RIMS1: variants seen among roughly 807,000 people sequenced by gnomAD.
The protein encoded by RIMS1 is regulating synaptic membrane exocytosis protein 1.
In RIMS1, 83 loss-of-function variants were observed where a neutral mutation model predicts 214.1. The ratio of observed to expected loss-of-function variants is 0.39; its 90% confidence interval spans 0.32 to 0.47. RIMS1 has a LOEUF of 0.47. Among genes scored for constraint, RIMS1 ranks in the 20% least tolerant of loss-of-function variants. RIMS1 has a pLI of 0.99. For synonymous variants in RIMS1, 793 were observed against 786.8 expected (o/e 1.01, Z -0.13); for missense variants, 2,050 against 2,161.8 (o/e 0.95, Z 1.03).
chr6:72,121,075 G>C (rs1363966376), intron 4 of RIMS1, among the ~76,000 whole-genome samples: 1 of 151,904 alleles, frequency 6.6e-6, no homozygotes, highest in African/African-American at 2.4e-5. Context: ...ATAGTTTGAA[G>C]TCAGGTGGTG....
chr6:72,075,115 T>G (rs1831472686), intron 2 of RIMS1, among the ~76,000 whole-genome samples: 1 of 152,058 alleles, frequency 6.6e-6, no homozygotes, highest in Non-Finnish European at 1.5e-5. Context: ...AGGGTCTTGC[T>G]CTGTCACCCA....
chr6:72,295,331 T>G (rs1300757949), intron 26 of RIMS1, among the ~76,000 whole-genome samples: 1 of 151,742 alleles, frequency 6.6e-6, no homozygotes, highest in Non-Finnish European at 1.5e-5. Flanking sequence ...TTGGGGTATT[T>G]TAATCTAATT....
rs375695167 is a variant in RIMS1, at chr6:72,390,094, T to A, written c.4367-504T>A. Among the ~76,000 whole-genome samples the A allele has an allele frequency of 1.1e-4, 16 of 152,330 alleles. No individual in the cohort carries two copies. The East Asian group carries it at 2.9e-3, about 28-fold the overall frequency. Reference sequence around the variant, plus strand: ...GTTAAAGTGCTGCAAAAATCATCAATTAAAATACTAGTTTCTCTTCATGAG... The same window carrying A: ...GTTAAAGTGCTGCAAAAATCATCAAATAAAATACTAGTTTCTCTTCATGAG... On this transcript the variant is annotated intron_variant, in intron 29 of 33. Transcript: ENST00000521978.
intron 1 of RIMS1, among the ~76,000 whole-genome samples, chr6:71,948,390 T>C (rs1480463595): frequency 6.6e-6 from 1 of 152,224 alleles, no homozygotes; most frequent in Admixed American, 6.5e-5. Context: ...TATTTCTTAA[T>C]AGAAGCACTT....
At chr6:72,354,632 A>G (rs1275198235) in intron 29 of RIMS1, among the ~76,000 whole-genome samples, 1 of 152,190 alleles carries the variant, frequency 6.6e-6, no homozygotes, top group Non-Finnish European at 1.5e-5. Flanking sequence ...TTGATTAACT[A>G]TAGGAGACTT....
intron 2 of RIMS1, among the ~76,000 whole-genome samples, chr6:72,004,981 T>G (rs1806878639): frequency 6.6e-6 from 1 of 152,002 alleles, no homozygotes; most frequent in Admixed American, 6.5e-5. Context: ...CTAGGTTTTC[T>G]TCTAGGGTTT....
chr6:72,241,820 G>A (rs982785015), intron 9 of RIMS1, among the ~76,000 whole-genome samples: 19 of 152,126 alleles, frequency 1.2e-4, no homozygotes, highest in African/African-American at 3.6e-4. Flanking sequence ...AGACACTGAA[G>A]CATGACTTGT....
chr6:72,122,207 C>CTTTT (rs34948011), intron 4 of RIMS1, among the ~76,000 whole-genome samples: 2 of 136,332 alleles, frequency 1.5e-5, no homozygotes, highest in African/African-American at 2.8e-5. Flanking sequence ...TTCCTTTTTT[C>CTTTT]TTTTTTTTTT....
chr6:72,360,186 T>G (rs2097773068), intron 29 of RIMS1, among the ~76,000 whole-genome samples: 1 of 152,194 alleles, frequency 6.6e-6, no homozygotes, highest in African/African-American at 2.4e-5. Context: ...TTTCATCCCT[T>G]CCTCACCATA....
intron 29 of RIMS1, among the ~76,000 whole-genome samples, chr6:72,337,300 T>C (rs1411846147): frequency 1.3e-5 from 2 of 151,844 alleles, no homozygotes; most frequent in Non-Finnish European, 1.5e-5. Context: ...TTCCATATAA[T>C]ATCCTATATC....
chr6:71,985,627 G>A (rs1360100268), intron 2 of RIMS1, among the ~76,000 whole-genome samples: 1 of 152,076 alleles, frequency 6.6e-6, no homozygotes, highest in Non-Finnish European at 1.5e-5. Flanking sequence ...TTACACCATG[G>A]AAATTGACAA....
chr6:71,995,561 T>G (rs1407755268), intron 2 of RIMS1, among the ~76,000 whole-genome samples: 1 of 151,814 alleles, frequency 6.6e-6, no homozygotes, highest in Non-Finnish European at 1.5e-5. Flanking sequence ...TAGATTATCT[T>G]CTTTGTATTA....
intron 1 of RIMS1, among the ~76,000 whole-genome samples, chr6:71,893,022 C>T (rs1770438477): frequency 6.6e-6 from 1 of 152,172 alleles, no homozygotes; most frequent in Non-Finnish European, 1.5e-5. Context: ...ATCTGTGAAG[C>T]TTTAAAATGA....
intron 22 of RIMS1, among the ~76,000 whole-genome samples, chr6:72,268,931 A>G (rs917631779): frequency 6.6e-6 from 1 of 152,152 alleles, no homozygotes; most frequent in Admixed American, 6.5e-5. Flanking sequence ...CCTGATTGGC[A>G]AGGAGTGAGT....
intron 28 of RIMS1, among the ~76,000 whole-genome samples, chr6:72,324,236 T>C (rs916187555): frequency 1.3e-5 from 2 of 151,974 alleles, no homozygotes; most frequent in African/African-American, 4.8e-5. Context: ...CATCTTGTGG[T>C]AGTTAAAACA....
At chr6:72,294,725 T>C (rs1341662083) in intron 26 of RIMS1, among the ~76,000 whole-genome samples, 1 of 151,710 alleles carries the variant, frequency 6.6e-6, no homozygotes, top group African/African-American at 2.4e-5. Flanking sequence ...TAACATATCA[T>C]TTGGAAACAC....
At chr6:72,337,021 C>G (rs1183336578) in intron 29 of RIMS1, among the ~76,000 whole-genome samples, 1 of 151,776 alleles carries the variant, frequency 6.6e-6, no homozygotes, top group East Asian at 1.9e-4. Flanking sequence ...AAGAAAGCCC[C>G]TCTTAGATTT....
At chr6:72,148,502 A>AG (rs1010286503) in intron 4 of RIMS1, 3 of 434,048 alleles carry the variant, frequency 6.9e-6, no homozygotes, top group Non-Finnish European at 1.4e-5. Flanking sequence ...GAAGGCCTAG[A>AG]GGGTAGGATT....
At chr6:72,092,698 A>G (rs1836622967) in intron 2 of RIMS1, among the ~76,000 whole-genome samples, 1 of 152,166 alleles carries the variant, frequency 6.6e-6, no homozygotes. Flanking sequence ...GAATGGCCTC[A>G]TGAGCTTTGG....
Sources: allele counts gnomAD v4.1 joint callset (sites outside exome capture counted in the v4.1 genomes callset), GRCh38; gene constraint gnomAD v4.1.1; transcripts MANE v1.5; gene names NCBI Gene and HGNC (gene_info 2026-07-23, HGNC 2026-07-21).